MCTP1: variants seen among roughly 807,000 people sequenced by gnomAD.
MCTP1 encodes the protein multiple C2 and transmembrane domain-containing protein 1.
In MCTP1, 69 loss-of-function variants were observed where a neutral mutation model predicts 120.6. The observed-to-expected ratio is 0.57, with a 90% CI of 0.47 to 0.70. The LOEUF (loss-of-function observed/expected upper bound fraction) is 0.70. Among genes scored for constraint, MCTP1 ranks in the 30% least tolerant of loss-of-function variants. MCTP1 has a pLI of 0.00. For missense variants in MCTP1, 1,203 were observed against 1,248.8 expected (o/e 0.96, Z 0.55); for synonymous variants, 529 against 493.1 (o/e 1.07, Z -0.96).
intron 19 of MCTP1, among the ~76,000 whole-genome samples, chr5:94,766,531 G>A (rs1228410988): frequency 1.3e-5 from 2 of 152,132 alleles, no homozygotes; most frequent in Non-Finnish European, 2.9e-5. Flanking sequence ...ATGGGGTTGG[G>A]GGAGGGAGGA....
chr5:94,786,303 A>G (rs1777671606), intron 18 of MCTP1, among the ~76,000 whole-genome samples: 1 of 152,178 alleles, frequency 6.6e-6, no homozygotes. Context: ...TGAGGACATT[A>G]TGTCAGAGAA....
chr5:95,149,497 C>CAAGCCGG (rs113843789), intron 1 of MCTP1, among the ~76,000 whole-genome samples: 3 of 151,804 alleles, frequency 2.0e-5, no homozygotes, highest in Admixed American at 2.0e-4. Context: ...TGCTGGGAGC[C>CAAGCCGG]CAAGTCTTGC....
chr5:94,754,082 G>A (rs1349802642), intron 19 of MCTP1, among the ~76,000 whole-genome samples: 1 of 152,048 alleles, frequency 6.6e-6, no homozygotes, highest in Non-Finnish European at 1.5e-5. Context: ...TTTTAAAAAC[G>A]GGTCTTAATT....
intron 12 of MCTP1, among the ~76,000 whole-genome samples, chr5:94,879,809 G>T (rs567185712): frequency 6.1e-4 from 93 of 152,204 alleles, no homozygotes; most frequent in African/African-American, 2.2e-3. Flanking sequence ...GGGATCCCCA[G>T]AGGTTCCTGA....
chr5:94,719,121 G>A (rs566739519), intron 19 of MCTP1, among the ~76,000 whole-genome samples: 59 of 152,312 alleles, frequency 3.9e-4, no homozygotes, highest in African/African-American at 1.4e-3. Context: ...ACTATTTCAT[G>A]CCAGTCAGAA....
intron 1 of MCTP1, among the ~76,000 whole-genome samples, chr5:95,078,376 C>T (rs1754140348): frequency 6.6e-6 from 1 of 152,118 alleles, no homozygotes; most frequent in African/African-American, 2.4e-5. Flanking sequence ...TCTGCCCCAC[C>T]TGCACATCAA....
intron 19 of MCTP1, among the ~76,000 whole-genome samples, chr5:94,724,584 G>C (rs1186154856): frequency 1.3e-5 from 2 of 152,126 alleles, no homozygotes; most frequent in East Asian, 1.9e-4. Context: ...AATATAGTCA[G>C]CCCTCCACAC....
chr5:95,087,196 T>G (rs907610212), intron 1 of MCTP1, among the ~76,000 whole-genome samples: 2 of 152,212 alleles, frequency 1.3e-5, no homozygotes, highest in Non-Finnish European at 2.9e-5. Context: ...CCTCTAGGAC[T>G]TGCAAACCAA....
intron 19 of MCTP1, among the ~76,000 whole-genome samples, chr5:94,735,455 T>G (rs146395518): frequency 7.8e-4 from 119 of 152,194 alleles, no homozygotes; most frequent in Non-Finnish European, 1.4e-3. Context: ...ATTTTTTTTT[T>G]AAATAGAGAC....
At chr5:95,094,525 G>C (rs567125624) in intron 1 of MCTP1, among the ~76,000 whole-genome samples, 1 of 152,024 alleles carries the variant, frequency 6.6e-6, no homozygotes, top group Non-Finnish European at 1.5e-5. Context: ...AGGAATCTAA[G>C]AGAAAAAAAT....
intron 1 of MCTP1, among the ~76,000 whole-genome samples, chr5:95,208,757 T>C (rs1203210226): frequency 1.3e-5 from 2 of 151,900 alleles, no homozygotes; most frequent in South Asian, 4.1e-4. Context: ...CTAGAACATA[T>C]GTATTATCCT....
chr5:94,749,510 C>T (rs1767724869), intron 19 of MCTP1, among the ~76,000 whole-genome samples: 3 of 152,000 alleles, frequency 2.0e-5, no homozygotes, highest in African/African-American at 7.2e-5. Context: ...CAAAAATTAG[C>T]CGGGCATGCT....
At chr5:95,121,156 T>TA (rs745599863) in intron 1 of MCTP1, among the ~76,000 whole-genome samples, 3 of 151,690 alleles carry the variant, frequency 2.0e-5, no homozygotes, top group Non-Finnish European at 4.4e-5. Context: ...CGGGTGCCTG[T>TA]AGTCCCAGCC....
At chr5:95,109,866 C>T (rs1301861327) in intron 1 of MCTP1, among the ~76,000 whole-genome samples, 2 of 152,102 alleles carry the variant, frequency 1.3e-5, no homozygotes, top group Non-Finnish European at 2.9e-5. Flanking sequence ...GCATAAATTC[C>T]CATTTCCTTT....
intron 10 of MCTP1, among the ~76,000 whole-genome samples, chr5:94,905,892 G>A (rs370116520): frequency 6.6e-6 from 1 of 152,226 alleles, no homozygotes; most frequent in East Asian, 1.9e-4. Context: ...AGTGAGCTCC[G>A]AGGCTTTCCA....
intron 1 of MCTP1, among the ~76,000 whole-genome samples, chr5:95,119,306 T>C: frequency 6.6e-6 from 1 of 151,998 alleles, no homozygotes; most frequent in Admixed American, 6.6e-5. Flanking sequence ...ATGAAGACAT[T>C]AGAAAGAAAA....
chr5:94,933,907 G>A (rs1258355339), intron 5 of MCTP1, among the ~76,000 whole-genome samples: 1 of 151,768 alleles, frequency 6.6e-6, no homozygotes, highest in Non-Finnish European at 1.5e-5. Context: ...TTATTTTTCA[G>A]ATTGAGAAAC....
intron 17 of MCTP1, among the ~76,000 whole-genome samples, chr5:94,847,646 CTGTGTGTGTGTG>C (rs70978134): frequency 2.7e-4 from 31 of 115,688 alleles, no homozygotes; most frequent in South Asian, 6.5e-4. Flanking sequence ...AAGCAGCAAT[CTGTGTGTGTGTG>C]TGTGTGTGTG....
At chr5:94,834,508 A>G (rs1296956044) in intron 17 of MCTP1, among the ~76,000 whole-genome samples, 1 of 152,216 alleles carries the variant, frequency 6.6e-6, no homozygotes, top group Non-Finnish European at 1.5e-5. Context: ...TGAGGTTTAT[A>G]AAGGCTTTGA....
Sources: gnomAD v4.1 joint callset for allele counts (sites outside exome capture counted in the v4.1 genomes callset) on GRCh38, gnomAD v4.1.1 for gene constraint, MANE v1.5 for transcripts, NCBI Gene and HGNC (gene_info 2026-07-23, HGNC 2026-07-21) for gene names.